Variants in ROR1 observed in about 807,000 individuals in gnomAD.
ROR1 encodes the protein ROR family WNT receptor 1.
A neutral mutation model predicts 78.8 loss-of-function variants in ROR1; 19 were observed. That is an observed-to-expected ratio of 0.24 (90% CI 0.17 to 0.35). The LOEUF is 0.35. Ranked by LOEUF, ROR1 falls within the 10% of genes least tolerant of loss-of-function variation. The pLI, the probability that ROR1 is intolerant of heterozygous loss-of-function variation, is 1.00. For missense variants in ROR1, 917 were observed against 1,177.8 expected, an observed-to-expected ratio of 0.78 and a Z score of 3.24; for synonymous variants, 386 against 433.6, an observed-to-expected ratio of 0.89 and a Z score of 1.36.
chr1:64,103,892 G>A (rs1647673144), intron 4 of ROR1, among the ~76,000 whole-genome samples: 1 of 152,152 alleles, frequency 6.6e-6, no homozygotes, highest in South Asian at 2.1e-4. Context: ...GTTCTCTAGT[G>A]AGGGGGATTT....
chr1:63,957,488 G>A (rs748515899), intron 1 of ROR1, among the ~76,000 whole-genome samples: 1 of 152,158 alleles, frequency 6.6e-6, no homozygotes, highest in Non-Finnish European at 1.5e-5. Flanking sequence ...AACAACAGAG[G>A]ATGAGGACCC....
chr1:63,946,453 T>TA (rs1645890333), intron 1 of ROR1, among the ~76,000 whole-genome samples: 2 of 152,298 alleles, frequency 1.3e-5, no homozygotes, highest in Non-Finnish European at 2.9e-5. Context: ...GTATTCAAGT[T>TA]AAAAAAATGT....
At chr1:63,800,906 C>T (rs1644793026) in intron 1 of ROR1, among the ~76,000 whole-genome samples, 1 of 151,228 alleles carries the variant, frequency 6.6e-6, no homozygotes, top group Non-Finnish European at 1.5e-5. Flanking sequence ...ATTAATTAAC[C>T]TTTTTAATCT....
intron 4 of ROR1, among the ~76,000 whole-genome samples, chr1:64,118,747 G>C (rs1244721601): frequency 6.6e-6 from 1 of 150,704 alleles, no homozygotes; most frequent in Non-Finnish European, 1.5e-5. Context: ...CGGTAAATCA[G>C]AGTTAACAAC....
chr1:64,120,983 C>CTGTAGTGT (rs1367389322), intron 4 of ROR1, among the ~76,000 whole-genome samples: 1 of 147,912 alleles, frequency 6.8e-6, no homozygotes. Flanking sequence ...CAGCCTCAAC[C>CTGTAGTGT]TGTAGTGTTT....
At chr1:63,795,314 G>T (rs1004090290) in intron 1 of ROR1, among the ~76,000 whole-genome samples, 1 of 152,238 alleles carries the variant, frequency 6.6e-6, no homozygotes, top group Non-Finnish European at 1.5e-5. Flanking sequence ...GTTTCCTAGT[G>T]TGGCAAGATT....
At chr1:63,966,174 C>T (rs1348524344) in intron 1 of ROR1, among the ~76,000 whole-genome samples, 2 of 152,162 alleles carry the variant, frequency 1.3e-5, no homozygotes, top group Admixed American at 6.5e-5. Context: ...TTAGTTCCCT[C>T]GGAAGTTGTC....
intron 1 of ROR1, among the ~76,000 whole-genome samples, chr1:63,901,859 C>G (rs1446424380): frequency 2.6e-5 from 4 of 151,370 alleles, no homozygotes; most frequent in Non-Finnish European, 5.9e-5. Flanking sequence ...AAGAAGCTAG[C>G]AAGCTAGTGA....
chr1:63,902,394 T>C (rs1180306580), intron 1 of ROR1, among the ~76,000 whole-genome samples: 1 of 151,972 alleles, frequency 6.6e-6, no homozygotes, highest in Non-Finnish European at 1.5e-5. Context: ...CATGAGATAC[T>C]GCAGCCTCGA....
intron 1 of ROR1, among the ~76,000 whole-genome samples, chr1:63,824,043 C>A (rs1436822188): frequency 1.3e-5 from 2 of 152,172 alleles, no homozygotes; most frequent in East Asian, 3.9e-4. Flanking sequence ...CTACCGTGCC[C>A]AGCCCCAAAT....
At chr1:64,142,877 C>T (rs1200623693) in intron 7 of ROR1, 3 of 1,378,066 alleles carry the variant, frequency 2.2e-6, no homozygotes, top group Non-Finnish European at 2.8e-6. Context: ...AGCCATTGCA[C>T]TCATGGATGT....
At chr1:64,142,357 A>G (rs1299055035) in intron 6 of ROR1, 48 bp from the exon 7 acceptor site, 3 of 1,605,776 alleles carry the variant, frequency 1.9e-6, no homozygotes, top group Middle Eastern at 2.0e-4. Flanking sequence ...GAGCTCCAGC[A>G]TCTCCTATGT....
In ROR1 at chr1:63,841,598, T is replaced by C. The variant is rs74920841; in HGVS notation, c.91+67090T>C. Reference sequence around the variant, plus strand: ...GTATTTCATGTGAAACAAAAGTACATACCCTGTATTTGAGACTCTGATTTG... The same window carrying C: ...GTATTTCATGTGAAACAAAAGTACACACCCTGTATTTGAGACTCTGATTTG... On this transcript the variant is annotated intron_variant, in intron 1 of 8. Coordinates refer to ENST00000371079, the MANE Select transcript of ROR1 (RefSeq NM_005012.4). 1.2e-4 allele frequency among the ~76,000 whole-genome samples: 18 copies of C among 152,356 alleles called. No homozygotes were observed. The East Asian group carries it at 3.5e-3, about 29-fold the overall frequency.
At chr1:63,840,798 T>C (rs1301903789) in intron 1 of ROR1, among the ~76,000 whole-genome samples, 3 of 152,180 alleles carry the variant, frequency 2.0e-5, no homozygotes, top group Non-Finnish European at 2.9e-5. Context: ...TTCTGCTGGG[T>C]GAACCGGAGT....
chr1:63,936,395 A>G (rs575716179), intron 1 of ROR1, among the ~76,000 whole-genome samples: 119 of 152,292 alleles, frequency 7.8e-4, no homozygotes, highest in African/African-American at 2.7e-3. Flanking sequence ...TCATTGTGGT[A>G]TTTCATAAAA....
intron 4 of ROR1, among the ~76,000 whole-genome samples, chr1:64,100,766 C>CA: frequency 6.6e-6 from 1 of 152,298 alleles, no homozygotes; most frequent in East Asian, 1.9e-4. Context: ...GCAATCTACC[C>CA]ACCACAGGAA....
At chr1:63,801,544 C>T (rs971241746) in intron 1 of ROR1, among the ~76,000 whole-genome samples, 1 of 152,166 alleles carries the variant, frequency 6.6e-6, no homozygotes, top group East Asian at 1.9e-4. Flanking sequence ...ATCCGCCCGC[C>T]TCAGCCTCCC....
chr1:64,007,665 A>T (rs1646439974), intron 1 of ROR1, among the ~76,000 whole-genome samples: 1 of 152,188 alleles, frequency 6.6e-6, no homozygotes, highest in Non-Finnish European at 1.5e-5. Context: ...TATTTACCAC[A>T]AATGACTCTC....
chr1:64,137,197 A>G (rs973329532), intron 4 of ROR1, among the ~76,000 whole-genome samples, 172 bp from the exon 5 acceptor site: 1 of 152,206 alleles, frequency 6.6e-6, no homozygotes, highest in African/African-American at 2.4e-5. Flanking sequence ...GACCAATGTG[A>G]CCAACAGATG....
Sources: allele counts gnomAD v4.1 joint callset (sites outside exome capture counted in the v4.1 genomes callset), GRCh38; gene constraint gnomAD v4.1.1; transcripts MANE v1.5; gene names NCBI Gene and HGNC (gene_info 2026-07-23, HGNC 2026-07-21).